Variants in WDR11 observed in about 807,000 individuals in gnomAD.
WDR11 encodes the protein WD repeat domain 11.
Under a neutral mutation model 151.2 loss-of-function variants are expected in WDR11, and 83 were observed. That is an observed-to-expected ratio of 0.55 (90% CI 0.46 to 0.66). The LOEUF is 0.66. WDR11 is among the 30% of genes least tolerant of loss of function. WDR11 has a pLI of 0.00. For synonymous variants in WDR11, 484 were observed against 533.1 expected (o/e 0.91, Z 1.27); for missense variants, 1,301 against 1,480.9 (o/e 0.88, Z 1.99).
At chr10:120,853,571 T>G (rs556898868) in intron 2 of WDR11, among the ~76,000 whole-genome samples, 2 of 152,262 alleles carry the variant, frequency 1.3e-5, no homozygotes, top group Admixed American at 6.5e-5. Context: ...AGCAGGAATT[T>G]GGATTTTTGA....
chr10:120,907,000 G>A (rs1848079204), intron 28 of WDR11, 145 bp downstream of exon 28: 1 of 1,285,528 alleles, frequency 7.8e-7, no homozygotes, highest in Admixed American at 2.0e-5. Context: ...ACCAAAGCCA[G>A]GAAAGAGGGA....
chr10:120,855,096 A>G (rs1845902208), intron 2 of WDR11, among the ~76,000 whole-genome samples: 1 of 152,226 alleles, frequency 6.6e-6, no homozygotes, highest in Admixed American at 6.5e-5. Context: ...GAGATTAACA[A>G]CAATAACTAA....
chr10:120,879,737 TATA>T (rs1782770927), intron 12 of WDR11: 1 of 151,982 alleles, frequency 6.6e-6, no homozygotes, highest in East Asian at 1.9e-4. Context: ...CTGTTTGGGG[TATA>T]ATAATAGTGA....
intron 19 of WDR11, among the ~76,000 whole-genome samples, chr10:120,891,177 G>T (rs1397935263): frequency 6.6e-6 from 1 of 152,042 alleles, no homozygotes; most frequent in Non-Finnish European, 1.5e-5. Context: ...TATAAAAATG[G>T]CTTACTCAGA....
intron 24 of WDR11, 22 bp downstream of exon 24, chr10:120,904,164 T>C (rs1308414589): frequency 4.6e-6 from 7 of 1,520,938 alleles, no homozygotes; most frequent in Middle Eastern, 1.7e-4. Flanking sequence ...TTTATAACTC[T>C]ACATGCTTCA....
chr10:120,901,177 T>G (rs1847800088), intron 21 of WDR11, 79 bp downstream of exon 21: 19 of 1,255,934 alleles, frequency 1.5e-5, no homozygotes, highest in Non-Finnish European at 2.2e-5. Context: ...AATTCAAAAT[T>G]AAAATAAGTT....
chr10:120,904,717 A>G lies in WDR11; in HGVS notation c.3099A>G (p.Lys1033=), dbSNP rs749109046. 3.7e-6 allele frequency: 6 copies of G among 1,614,192 alleles called. No homozygotes were observed. Among genetic ancestry groups the G allele is most frequent in the South Asian group, 1.1e-5 (1 of 91,082 alleles). ...AGCATTATTACTGTGATTCACTGAA[A>G]GCCTGTTTAGTCACTACTGTCACCT... The part of the protein sequence containing the change: ...DNQHYYCDSL[K]ACLVTTVTSS... Residue 1033 remains lysine, a synonymous_variant, in exon 25 of 29, where the codon AAA becomes AAG. Transcript: ENST00000263461.
chr10:120,905,195 G>A, intron 25 of WDR11, 124 bp from the exon 26 acceptor site: 1 of 893,454 alleles, frequency 1.1e-6, no homozygotes, highest in African/African-American at 1.6e-5. Flanking sequence ...TTTAAATCAA[G>A]AATGTCTTCA....
intron 16 of WDR11, among the ~76,000 whole-genome samples, chr10:120,887,659 G>C (rs1357068123): frequency 6.6e-6 from 1 of 152,124 alleles, no homozygotes; most frequent in East Asian, 1.9e-4. Flanking sequence ...TGCCTCACAG[G>C]CTATTGCACA....
rs12268424 is a variant in WDR11 at position 120,906,201 on chromosome 10, C to T, written c.3437+180C>T. On this transcript the variant is annotated intron_variant, in intron 27 of 28. Coordinates refer to ENST00000263461, the MANE Select transcript of WDR11 (RefSeq NM_018117.12). ...TGTCCGTATTCATTACATCTTCATT[C>T]GGTCTAGGAGCTATGCTAGTTTCCT... is the stretch of plus-strand genomic sequence containing the variant. 0.011 allele frequency: 17,016 copies of T among 1,495,364 alleles called. 1,601 individuals are homozygous for T. In the African/African-American group the frequency reaches 0.2, roughly 18 times the overall value. 92.6% of individuals were successfully genotyped at this position (1,495,364 alleles called of 1,614,324 possible).
At chr10:120,901,132 T>C in intron 21 of WDR11, 34 bp downstream of exon 21, 1 of 1,531,216 alleles carries the variant, frequency 6.5e-7, no homozygotes, top group Non-Finnish European at 9.0e-7. Context: ...AAGATAGGAA[T>C]ATGAGAAAGA....
chr10:120,903,040 C>G lies in WDR11; in HGVS notation c.2754-15C>G. The G allele has an allele frequency of 6.2e-7, 1 of 1,613,410 alleles. No homozygotes were observed. On this transcript the variant is annotated splice_polypyrimidine_tract_variant and intron_variant, in intron 22 of 28. Coordinates refer to ENST00000263461, the MANE Select transcript of WDR11 (RefSeq NM_018117.12). Reference sequence around the variant, plus strand: ...TGTGCTGAGTGCAGTCAAAACTTTGCTTCATCCTTGCCAGGCTCTATGGTG... The same window carrying G: ...TGTGCTGAGTGCAGTCAAAACTTTGGTTCATCCTTGCCAGGCTCTATGGTG...
rs1845771060 is a variant in WDR11, at chr10:120,851,521, C to CTTCCA, written c.86+16_86+20dup. The CTTCCA allele has an allele frequency of 6.2e-7, 1 of 1,607,116 alleles. No individual in the cohort carries two copies. Among genetic ancestry groups the CTTCCA allele is most frequent in the African/African-American group, 1.3e-5 (1 of 74,896 alleles). On this transcript the variant is annotated intron_variant, in intron 1 of 28. Coordinates refer to ENST00000263461, the MANE Select transcript of WDR11 (RefSeq NM_018117.12). ...GCGGTGGACTGGTGAGGACGCCGAG[C>CTTCCA]TTCCAGGTCGCCAGGATCGGCCAGG...
chr10:120,899,805 T>A, intron 19 of WDR11: 2 of 567,160 alleles, frequency 3.5e-6, no homozygotes, highest in South Asian at 4.5e-5. Flanking sequence ...AAATAAAAAA[T>A]CAAAAAAGGG....
chr10:120,867,293 G>T, intron 9 of WDR11, 124 bp downstream of exon 9: 1 of 745,688 alleles, frequency 1.3e-6, no homozygotes, highest in Admixed American at 2.1e-5. Flanking sequence ...CTAGAACATG[G>T]AATCATTCTT....
chr10:120,902,160 C>T (rs1665494316), intron 21 of WDR11, 97 bp from the exon 22 acceptor site: 1 of 998,772 alleles, frequency 1.0e-6, no homozygotes, highest in Non-Finnish European at 1.6e-6. Flanking sequence ...TGTTATTTGA[C>T]TGGAATTTTT....
At chr10:120,899,628 C>T (rs1847739264) in intron 19 of WDR11, among the ~76,000 whole-genome samples, 1 of 151,912 alleles carries the variant, frequency 6.6e-6, no homozygotes, top group Middle Eastern at 3.4e-3. Context: ...ACTAAAAATG[C>T]AAAAATTAGC....
intron 1 of WDR11, 60 bp from the exon 2 acceptor site, chr10:120,852,464 C>A: frequency 1.4e-6 from 2 of 1,420,054 alleles, no homozygotes; most frequent in Non-Finnish European, 2.0e-6. Context: ...TTAGGCTTGG[C>A]AAGAAAGAAG....
At chr10:120,870,612 ATATTTG>A (rs1284637647) in intron 9 of WDR11, among the ~76,000 whole-genome samples, 1 of 152,204 alleles carries the variant, frequency 6.6e-6, no homozygotes, top group Middle Eastern at 3.2e-3. Flanking sequence ...ATGAATATAT[ATATTTG>A]TATTTGTTTT....
Sources: allele counts gnomAD v4.1 joint callset (sites outside exome capture counted in the v4.1 genomes callset), GRCh38; gene constraint gnomAD v4.1.1; transcripts MANE v1.5; gene names NCBI Gene and HGNC (gene_info 2026-07-23, HGNC 2026-07-21).